ATP8B4: variants seen among roughly 807,000 people sequenced by gnomAD.
The protein encoded by ATP8B4 is probable phospholipid-transporting ATPase IM.
A neutral mutation model predicts 145.6 loss-of-function variants in ATP8B4; 133 were observed. That is an observed-to-expected ratio of 0.91 (90% CI 0.79 to 1.05). The LOEUF (loss-of-function observed/expected upper bound fraction) is 1.05, where lower values mean the gene tolerates loss of function less well. ATP8B4 is among the 50% of genes least tolerant of loss of function. The pLI, the probability that ATP8B4 is intolerant of heterozygous loss-of-function variation, is 0.00. For missense variants in ATP8B4, 1,458 were observed against 1,425.2 expected, an observed-to-expected ratio of 1.02 and a Z score of -0.37; for synonymous variants, 507 against 492.9, an observed-to-expected ratio of 1.03 and a Z score of -0.38.
chr15:49,931,457 A>G, intron 15 of ATP8B4, 150 bp from the exon 16 acceptor site: 2 of 710,418 alleles, frequency 2.8e-6, no homozygotes, highest in Non-Finnish European at 4.6e-6. Context: ...ACTCACCAAC[A>G]GCTCAATCTG....
rs1214384333 is a variant in ATP8B4 at position 50,106,926 on chromosome 15, A to C, written c.28+13T>G. ...AATATCACTTTGCATCATTGGAAGA[A>C]CTCAAAACTTACCACGCAATTTCTT... On this transcript the variant is annotated intron_variant, in intron 2 of 27. Coordinates refer to ENST00000284509, the MANE Select transcript of ATP8B4 (RefSeq NM_024837.4). 3 of 1,595,002 alleles carry C rather than the reference A, an allele frequency of 1.9e-6. No homozygotes were observed. Among genetic ancestry groups the C allele is most frequent in the Non-Finnish European group, 2.6e-6 (3 of 1,172,622 alleles).
At chr15:50,141,219 C>T (rs1433544217) in intron 1 of ATP8B4, among the ~76,000 whole-genome samples, 1 of 152,102 alleles carries the variant, frequency 6.6e-6, no homozygotes, top group Admixed American at 6.6e-5. Context: ...TGTTTGGCTG[C>T]CCCTACAGAT....
chr15:50,072,051 A>G (rs558915358), intron 3 of ATP8B4, among the ~76,000 whole-genome samples: 13 of 151,208 alleles, frequency 8.6e-5, no homozygotes, highest in Admixed American at 2.6e-4. Flanking sequence ...AATATTAATT[A>G]ATTAATAATT....
At chr15:50,040,211 G>C (rs886570493) in intron 5 of ATP8B4, among the ~76,000 whole-genome samples, 2 of 152,334 alleles carry the variant, frequency 1.3e-5, no homozygotes, top group African/African-American at 2.4e-5. Flanking sequence ...ATTCGAGTCA[G>C]AGAAGAGTGA....
At chr15:49,960,458 G>A (rs912547655) in intron 14 of ATP8B4, among the ~76,000 whole-genome samples, 19 of 152,242 alleles carry the variant, frequency 1.2e-4, no homozygotes, top group Admixed American at 1.3e-4. Context: ...TGAAAAAGAG[G>A]ACAGGCTTTT....
intron 14 of ATP8B4, among the ~76,000 whole-genome samples, chr15:49,941,557 T>C (rs1258649589): frequency 5.3e-5 from 8 of 152,100 alleles, no homozygotes; most frequent in African/African-American, 1.9e-4. Flanking sequence ...AAAAAAAACC[T>C]TTATTGAAAA....
Position 50,128,385 on chromosome 15 carries a change from G to C in ATP8B4, c.-42-21377C>G, listed in dbSNP as rs554425377. Among the ~76,000 whole-genome samples the C allele has an allele frequency of 2.6e-5, 4 of 152,228 alleles. No homozygotes were observed. The South Asian group carries it at 6.2e-4, about 24-fold the overall frequency. ...ATCCAGCAAAGCTGGGAGCAGTATG[G>C]AACACTGGAGGAGAAAGGTGGCTGC... is the stretch of plus-strand genomic sequence containing the variant. On this transcript the variant is annotated intron_variant, in intron 1 of 3. Coordinates refer to the ATP8B4 transcript ENST00000558829.
At chr15:50,147,026 GT>G in intron 1 of ATP8B4, among the ~76,000 whole-genome samples, 1 of 152,212 alleles carries the variant, frequency 6.6e-6, no homozygotes, top group Non-Finnish European at 1.5e-5. Flanking sequence ...GTTGTTTTTT[GT>G]TTTTTAAAAG....
chr15:49,974,119 G>A (rs1599549965), intron 12 of ATP8B4, among the ~76,000 whole-genome samples: 1 of 101,048 alleles, frequency 9.9e-6, no homozygotes, highest in Non-Finnish European at 1.9e-5. Context: ...TTCCGCTCTT[G>A]TTGCCTAAGC....
Position 50,050,715 on chromosome 15 carries a change from A to G in ATP8B4, c.88-3251T>C, listed in dbSNP as rs138654651. On this transcript the variant is annotated intron_variant, in intron 3 of 27. Transcript: ENST00000284509. ...AGAGACCTCTCTACAAATTAATGTT[A>G]ACAATTTTTTCAGGTTTAATATGTT... 7.2e-3 allele frequency among the ~76,000 whole-genome samples: 1,077 copies of G among 149,564 alleles called. 8 individuals carry two copies. The highest frequency in any genetic ancestry group is 0.011 in the Non-Finnish European group (726 of 67,634).
intron 25 of ATP8B4, among the ~76,000 whole-genome samples, chr15:49,871,713 C>G (rs1205156658): frequency 1.3e-5 from 2 of 152,204 alleles, no homozygotes; most frequent in Non-Finnish European, 2.9e-5. Flanking sequence ...CCTGTGGTTT[C>G]CGTTAGGAAT....
intron 2 of ATP8B4, among the ~76,000 whole-genome samples, chr15:50,093,268 T>C (rs2055729997): frequency 6.6e-6 from 1 of 152,012 alleles, no homozygotes; most frequent in Non-Finnish European, 1.5e-5. Flanking sequence ...AATAACAGAA[T>C]GATTATGGGT....
At chr15:50,176,058 GCAGAGTATATATATATATATACCA>G (rs1184022131) in intron 1 of ATP8B4, among the ~76,000 whole-genome samples, 2 of 150,176 alleles carry the variant, frequency 1.3e-5, no homozygotes, top group Admixed American at 6.6e-5. Context: ...TATATATACC[GCAGAGTATATATATATATATACCA>G]CAGAGTATAT....
intron 2 of ATP8B4, among the ~76,000 whole-genome samples, 154 bp from the exon 3 acceptor site, chr15:50,074,339 T>G (rs1200675646): frequency 2.6e-5 from 4 of 152,230 alleles, no homozygotes; most frequent in Non-Finnish European, 4.4e-5. Context: ...AGTGTACATG[T>G]TGGAACATGT....
intron 3 of ATP8B4, among the ~76,000 whole-genome samples, chr15:50,055,906 T>C (rs1190695656): frequency 6.6e-6 from 1 of 152,162 alleles, no homozygotes; most frequent in Non-Finnish European, 1.5e-5. Flanking sequence ...ATCTGGTACC[T>C]CACTGATACC....
chr15:49,969,130 T>G (rs1366396833), intron 13 of ATP8B4, among the ~76,000 whole-genome samples: 2 of 152,162 alleles, frequency 1.3e-5, no homozygotes, highest in South Asian at 2.1e-4. Context: ...AAGCAGTGTT[T>G]AGAGGGAAAT....
intron 1 of ATP8B4, among the ~76,000 whole-genome samples, chr15:50,165,461 T>C (rs908212461): frequency 3.9e-5 from 6 of 152,200 alleles, no homozygotes; most frequent in African/African-American, 1.4e-4. Flanking sequence ...GCTGCTCAAT[T>C]TGGTGTTCCT....
chr15:49,957,593 G>T (rs1206057076), intron 14 of ATP8B4, among the ~76,000 whole-genome samples: 1 of 151,878 alleles, frequency 6.6e-6, no homozygotes, highest in African/African-American at 2.4e-5. Flanking sequence ...GAAAATAAAA[G>T]GTGGGCAAAT....
At chr15:49,919,027 G>A in intron 18 of ATP8B4, 77 bp from the exon 19 acceptor site, 1 of 1,024,050 alleles carries the variant, frequency 9.8e-7, no homozygotes, top group Non-Finnish European at 1.5e-6. Context: ...TTCACTCACA[G>A]ATTCTGGAGG....
Sources: allele counts gnomAD v4.1 joint callset (sites outside exome capture counted in the v4.1 genomes callset), GRCh38; gene constraint gnomAD v4.1.1; transcripts MANE v1.5; gene names NCBI Gene and HGNC (gene_info 2026-07-23, HGNC 2026-07-21).